Variants in KCNC3 observed in about 807,000 individuals in gnomAD.
The protein encoded by KCNC3 is potassium voltage-gated channel subfamily C member 3.
Under a neutral mutation model 43.9 loss-of-function variants are expected in KCNC3, and 22 were observed. The observed-to-expected ratio is 0.50, with a 90% CI of 0.36 to 0.72. KCNC3 has a LOEUF of 0.72. Ranked by LOEUF, KCNC3 falls within the 30% of genes least tolerant of loss-of-function variation. KCNC3 has a pLI of 0.00. For synonymous variants in KCNC3, 492 were observed against 488.0 expected, an observed-to-expected ratio of 1.01 and a Z score of -0.11; for missense variants, 829 against 1,073.8, an observed-to-expected ratio of 0.77 and a Z score of 3.19.
chr19:50,328,385 C>G lies in KCNC3; in HGVS notation c.698G>C (p.Gly233Ala), dbSNP rs2123545646. 1 of 1,267,110 alleles carries G rather than the reference C, an allele frequency of 7.9e-7. No homozygotes were observed. The highest frequency in any genetic ancestry group is 9.9e-7 in the Non-Finnish European group (1 of 1,011,110). The allele number at this position is 1,267,110 out of a possible 1,614,324, so 78.5% of individuals were successfully genotyped here. The change falls in exon 1 of 5, where the codon GGC becomes GCC. Residue 233 changes from glycine to alanine, a missense_variant. Physicochemically the swap from Gly to Ala is moderately conservative, Grantham distance 60 (BLOSUM62 0). Transcript: ENST00000477616. ...CTCGCCGCCCGCTCCGTCCAGGCCG[C>G]CGCCGCCCGCGCCCGCCTCGTCGTC... is the stretch of plus-strand genomic sequence containing the variant. ...GLDDEAGAGG[G>A]GLDGAGGELK...
chr19:50,327,809 G>A (rs2037124025), intron 1 of KCNC3, among the ~76,000 whole-genome samples: 1 of 151,946 alleles, frequency 6.6e-6, no homozygotes. Context: ...GTGACCAAGA[G>A]TAGTGAGAAG....
At chr19:50,317,714 T>C (rs1308070459) in intron 4 of KCNC3, among the ~76,000 whole-genome samples, 1 of 152,170 alleles carries the variant, frequency 6.6e-6, no homozygotes, top group African/African-American at 2.4e-5. Flanking sequence ...GCTCAGGGCC[T>C]GTGCACTTGC....
Position 50,320,802 on chromosome 19 carries a change from C to A in KCNC3, c.1979-18G>T, listed in dbSNP as rs559355907. 8.7e-6 allele frequency: 14 copies of A among 1,612,106 alleles called. No homozygotes were observed. The highest frequency in any genetic ancestry group is 1.2e-5 in the Non-Finnish European group (14 of 1,179,550). ...GCGAGGATCTGCATCCCAAGGGGGT[C>A]AGACAGAGAGACAAAGGAGAGAGTG... On this transcript the variant is annotated intron_variant, in intron 2 of 4. Coordinates refer to ENST00000477616, the MANE Select transcript of KCNC3 (RefSeq NM_004977.3).
At position 50,328,993 on chromosome 19, in the gene KCNC3, G is replaced by C; in HGVS notation, c.90C>G (p.Ser30=). The C allele has an allele frequency of 8.4e-7, 1 of 1,188,786 alleles. No individual in the cohort carries two copies. Among genetic ancestry groups the C allele is most frequent in the Non-Finnish European group, 1.1e-6 (1 of 935,862 alleles). 73.6% of individuals were successfully genotyped at this position (1,188,786 alleles called of 1,614,324 possible). Residue 30 remains serine, a synonymous_variant, in exon 1 of 5, where the codon TCC becomes TCG. Transcript: ENST00000477616. ...QPAPPPQPPE[S]PPPPPLPPQQ... ...GCGGCGGCAGCGGTGGCGGCGGCGG[G>C]GACTCGGGCGGCTGCGGCGGTGGCG...
intron 1 of KCNC3, among the ~76,000 whole-genome samples, chr19:50,327,317 T>G (rs996286530): frequency 2.0e-5 from 3 of 151,996 alleles, no homozygotes; most frequent in African/African-American, 7.3e-5. Flanking sequence ...AGTCTGGAGC[T>G]TTATGGGGAA....
At position 50,329,057 on chromosome 19, in the gene KCNC3, G is replaced by A. The variant is rs776349163; in HGVS notation, c.26C>T (p.Ser9Phe). The A allele has an allele frequency of 7.5e-7, 1 of 1,327,066 alleles. No homozygotes were observed. The highest frequency in any genetic ancestry group is 2.8e-4 in the Middle Eastern group (1 of 3,598). 82.2% of individuals were successfully genotyped at this position (1,327,066 alleles called of 1,614,324 possible). Residue 9 changes from serine (S) to phenylalanine (F), a missense_variant, in exon 1 of 5, where the codon TCC (serine) becomes TTC (phenylalanine). Ser to Phe is a radical substitution (Grantham distance 155). Transcript: ENST00000477616. ...GCTGGCCCCCTGGCGCCCGCGGAAGGACGAGACGCAGACTGAGCTCAGCAT... is the reference window on the plus strand; with the variant it reads ...GCTGGCCCCCTGGCGCCCGCGGAAGAACGAGACGCAGACTGAGCTCAGCAT... MLSSVCVS[S>F]FRGRQGASKQ...
chr19:50,323,327 A>G lies in KCNC3; in HGVS notation c.1626T>C (p.Phe542=). 8 of 1,614,048 alleles carry G rather than the reference A, an allele frequency of 5.0e-6. No individual in the cohort carries two copies. The highest frequency in any genetic ancestry group is 6.8e-6 in the Non-Finnish European group (8 of 1,180,040). ...AMPVPVIVNN[F]GMYYSLAMAK... is the part of the protein sequence containing the mutation. ...CCATGGCCAGCGAATAGTACATGCC[A>G]AAGTTGTTGACAATGACGGGCACAG... Residue 542 remains phenylalanine (F), a synonymous_variant, in exon 2 of 5, where the codon TTT becomes TTC. Transcript: ENST00000477616.
upstream of KCNC3, chr19:50,329,798 G>A (rs1018616817): frequency 1.3e-5 from 2 of 152,436 alleles, no homozygotes; most frequent in African/African-American, 4.8e-5. Flanking sequence ...TAGACTCGGT[G>A]AGAAGGTGTT....
At chr19:50,319,937 G>A (rs1048702690) in intron 4 of KCNC3, among the ~76,000 whole-genome samples, 2 of 151,302 alleles carry the variant, frequency 1.3e-5, no homozygotes, top group African/African-American at 4.9e-5. Context: ...TAGGACCAAG[G>A]AGGGAGGCAG....
chr19:50,316,146 A>G, intron 4 of KCNC3, 55 bp from the exon 5 acceptor site: 1 of 394,898 alleles, frequency 2.5e-6, no homozygotes, highest in Non-Finnish European at 4.7e-6. Context: ...GTCAGGGGAA[A>G]CCCCCCAACA....
Position 50,313,213 on chromosome 19 carries a change from C to T in KCNC3, c.*2902G>A, listed in dbSNP as rs1266703321. The T allele has an allele frequency of 2.0e-5, 3 of 152,036 alleles. No individual in the cohort carries two copies. The highest frequency in any genetic ancestry group is 4.4e-5 in the Non-Finnish European group (3 of 68,010). The allele number at this position is 152,036 out of a possible 1,614,324, so 9.4% of individuals were successfully genotyped here. On this transcript the variant is annotated 3_prime_UTR_variant, in exon 5 of 5. Coordinates refer to ENST00000477616, the MANE Select transcript of KCNC3 (RefSeq NM_004977.3). ...CCCGCGAGCGTGACGCGGTGAGGAC[C>T]GCTGGGGAAGGGGGGCTGGGATCCC...
intron 1 of KCNC3, among the ~76,000 whole-genome samples, chr19:50,326,697 TC>T (rs1229417293): frequency 6.6e-6 from 1 of 151,186 alleles, no homozygotes; most frequent in Non-Finnish European, 1.5e-5. Flanking sequence ...CCCTCCGGGG[TC>T]CCCGGGACAG....
intron 2 of KCNC3, 140 bp downstream of exon 2, chr19:50,322,835 G>A (rs927442969): frequency 1.6e-5 from 12 of 769,996 alleles, no homozygotes; most frequent in Admixed American, 8.6e-5. Flanking sequence ...CTCCTTCTTC[G>A]CCTGAGCTCC....
intron 4 of KCNC3, among the ~76,000 whole-genome samples, chr19:50,317,211 G>C (rs2036967923): frequency 6.9e-6 from 1 of 144,854 alleles, no homozygotes; most frequent in African/African-American, 2.5e-5. Flanking sequence ...ATGACGGGGA[G>C]GTTACAAAAA....
Position 50,324,226 on chromosome 19 carries a change from G to T in KCNC3, c.871-144C>A. 2 of 710,542 alleles carry T rather than the reference G, an allele frequency of 2.8e-6. No individual in the cohort carries two copies. The highest frequency in any genetic ancestry group is 4.6e-6 in the Non-Finnish European group (2 of 439,136). 44.0% of individuals were successfully genotyped at this position (710,542 alleles called of 1,614,324 possible). On this transcript the variant is annotated intron_variant, in intron 1 of 4. Coordinates refer to ENST00000477616, the MANE Select transcript of KCNC3 (RefSeq NM_004977.3). This position sits in a 1 kb window ranked among gnomAD's most constrained non-coding sequence, Gnocchi z 4.1. The stretch of plus-strand genomic sequence containing the variant: ...AAAATCCAGGTGTCTCAGCCCTGTG[G>T]CTCCATCACTTCCAGAATCCCATTC...
intron 2 of KCNC3, among the ~76,000 whole-genome samples, chr19:50,321,893 G>A (rs1165491987): frequency 6.6e-6 from 1 of 152,080 alleles, no homozygotes; most frequent in African/African-American, 2.4e-5. Flanking sequence ...GCTGGGGTAG[G>A]GGTAGCGGGT....
In KCNC3 at chr19:50,314,785, C is replaced by T. The variant is rs752257677; in HGVS notation, c.*1330G>A. The T allele has an allele frequency of 4.9e-6, 2 of 406,142 alleles. No individual in the cohort carries two copies. Among genetic ancestry groups the T allele is most frequent in the South Asian group, 1.7e-5 (1 of 57,192 alleles). The allele number at this position is 406,142 out of a possible 1,614,324, so 25.2% of individuals were successfully genotyped here. ...TTTTAAAAAAACCCTTTTCCCCACC[C>T]CCCACCCCCAGCTCCTTTGACCTTC... On this transcript the variant is annotated 3_prime_UTR_variant, in exon 5 of 5. Coordinates refer to ENST00000477616, the MANE Select transcript of KCNC3 (RefSeq NM_004977.3).
Position 50,328,405 on chromosome 19 carries a change from G to C in KCNC3, c.678C>G (p.Asp226Glu), listed in dbSNP as rs2123545748. 5 of 1,325,144 alleles carry C rather than the reference G, an allele frequency of 3.8e-6. No homozygotes were observed. Among genetic ancestry groups the C allele is most frequent in the Non-Finnish European group, 4.8e-6 (5 of 1,041,230 alleles). 82.1% of individuals were successfully genotyped at this position (1,325,144 alleles called of 1,614,324 possible). The change falls in exon 1 of 5, where the codon GAC (aspartate) becomes GAG (glutamate). Residue 226 changes from aspartate to glutamate, a missense_variant. Around this residue, in one of 7 missense-constraint regions of KCNC3, gnomAD observed 60 missense variants for 56.0 expected, o/e 1.07. Coordinates refer to ENST00000477616, the MANE Select transcript of KCNC3 (RefSeq NM_004977.3). Reference protein sequence around the residue: ...AAGAHDGGLDDEAGAGGGGLD... With the variant: ...AAGAHDGGLDEEAGAGGGGLD... ...GGCCGCCGCCGCCCGCGCCCGCCTC[G>C]TCGTCCAGGCCTCCGTCGTGGGCGC...
intron 2 of KCNC3, 58 bp from the exon 3 acceptor site, chr19:50,320,842 C>A: frequency 6.5e-7 from 1 of 1,535,284 alleles, no homozygotes; most frequent in South Asian, 1.1e-5. Context: ...GCGGTGAACA[C>A]GCGGTGGGGC....
Sources: gnomAD v4.1 joint callset for allele counts (sites outside exome capture counted in the v4.1 genomes callset) on GRCh38, gnomAD v4.1.1 for gene constraint, gnomAD v4.1.1 regional missense constraint, Gnocchi (gnomAD v3.1) non-coding constraint, MANE v1.5 for transcripts, NCBI Gene and HGNC (gene_info 2026-07-23, HGNC 2026-07-21) for gene names.